ASGR2: variants seen among roughly 807,000 people sequenced by gnomAD.
ASGR2 encodes the protein asialoglycoprotein receptor 2, also known as C-type lectin domain family 4 member H2.
ASGR2 carries 34 observed loss-of-function variants against 32.3 expected under a neutral mutation model. The ratio of observed to expected loss-of-function variants is 1.05; its 90% CI spans 0.80 to 1.40. ASGR2 has a LOEUF of 1.40. Among genes scored for constraint, ASGR2 ranks in the 40% most tolerant of loss-of-function variants. The probability of loss-of-function intolerance (pLI) is 0.00; values close to 1 mark genes in which losing one functional copy is unlikely to be tolerated. For missense variants in ASGR2, 385 were observed against 386.4 expected (o/e 1.00, Z 0.03); for synonymous variants, 143 against 150.0 (o/e 0.95, Z 0.34).
intron 7 of ASGR2, among the ~76,000 whole-genome samples, chr17:7,105,813 G>A (rs2151711760): frequency 6.9e-6 from 1 of 145,726 alleles, no homozygotes; most frequent in East Asian, 2.0e-4. Context: ...TTTTGAGTCA[G>A]AGTCTCGCAC....
rs200704590 is a variant in ASGR2 at position 7,114,164 on chromosome 17, G to A, written c.77C>T (p.Pro26Leu). 25 of 1,614,200 alleles carry A rather than the reference G, an allele frequency of 1.5e-5. No homozygotes were observed. In the Admixed American group the frequency reaches 4.2e-4, roughly 27 times the overall value. The part of the protein sequence containing the change: ...NDHPFHQGEG[P>L]GTRRLNPRRG... ...CCTGGGATTCAGCCTGCGAGTGCCT[G>A]GCCCCTCACCTTGATGGAAAGGATG... Residue 26 changes from proline to leucine, a missense_variant, in exon 2 of 9, where the codon CCA (proline) becomes CTA (leucine). Transcript: ENST00000691900. This position sits in a 1 kb window ranked among gnomAD's most constrained non-coding sequence, Gnocchi z 4.5.
chr17:7,114,453 C>T lies in ASGR2; in HGVS notation c.-70-143G>A, dbSNP rs1915217733. On this transcript the variant is annotated intron_variant, in intron 1 of 8. Coordinates refer to ENST00000691900, the MANE Select transcript of ASGR2 (RefSeq NM_001201352.2). The surrounding 1 kb of genome is among the most constrained non-coding windows in gnomAD (Gnocchi z 4.5). ...TTTGAAATCCCGCTGGGTCCTTTCC[C>T]TTCTCAGGAGACCGCTTGGGCCTTG... The T allele has an allele frequency of 5.7e-6, 8 of 1,398,562 alleles. No homozygotes were observed. The highest frequency in any genetic ancestry group is 6.5e-6 in the Non-Finnish European group (7 of 1,077,712). 86.6% of individuals were successfully genotyped at this position (1,398,562 alleles called of 1,614,324 possible).
Position 7,108,533 on chromosome 17 carries a change from C to T in ASGR2, c.266G>A (p.Arg89Gln), listed in dbSNP as rs376719628. Residue 89 changes from arginine to glutamine, a missense_variant, in exon 4 of 9, where the codon CGG becomes CAG. Coordinates refer to ENST00000691900, the MANE Select transcript of ASGR2 (RefSeq NM_001201352.2). This position sits in a 1 kb window ranked among gnomAD's most constrained non-coding sequence, Gnocchi z 4.9. The stretch of plus-strand genomic sequence containing the variant: ...GTTGCTGAAAGCTTCCTTCAGGCTC[C>T]GCAGCTCGGCTTGCAGCTGTGCACC... The part of the protein sequence containing the change: ...SQSAQLQAEL[R>Q]SLKEAFSNFS... The T allele has an allele frequency of 1.1e-5, 17 of 1,608,938 alleles. No homozygotes were observed. Among genetic ancestry groups the T allele is most frequent in the African/African-American group, 6.7e-5 (5 of 75,002 alleles).
intron 8 of ASGR2, 37 bp from the exon 9 acceptor site, chr17:7,101,777 T>C: frequency 6.2e-7 from 1 of 1,602,404 alleles, no homozygotes; most frequent in Non-Finnish European, 8.5e-7. Context: ...TCTGCCACGG[T>C]GGTGAGAAAG....
intron 2 of ASGR2, among the ~76,000 whole-genome samples, 192 bp from the exon 3 acceptor site, chr17:7,109,080 A>T (rs1048300083): frequency 4.0e-5 from 6 of 151,646 alleles, no homozygotes; most frequent in African/African-American, 1.5e-4. Flanking sequence ...CACCCATATT[A>T]CCATGTATAA....
Position 7,114,503 on chromosome 17 carries a change from C to A in ASGR2, c.-71+112G>T, listed in dbSNP as rs1055716731. On this transcript the variant is annotated intron_variant, in intron 1 of 8. Coordinates refer to ENST00000691900, the MANE Select transcript of ASGR2 (RefSeq NM_001201352.2). The surrounding 1 kb of genome is among the most constrained non-coding windows in gnomAD (Gnocchi z 4.5). ...GACCTGGCCAGGAGACCCCTCCCCACGCTCATGGACCCGACCACCCACAGC... is the reference window on the plus strand; with the variant it reads ...GACCTGGCCAGGAGACCCCTCCCCAAGCTCATGGACCCGACCACCCACAGC... 2 of 1,294,980 alleles carry A rather than the reference C, an allele frequency of 1.5e-6. No individual in the cohort carries two copies. Among genetic ancestry groups the A allele is most frequent in the Non-Finnish European group, 2.0e-6 (2 of 1,015,186 alleles). 80.2% of individuals were successfully genotyped at this position (1,294,980 alleles called of 1,614,324 possible).
At position 7,102,129 on chromosome 17, in the gene ASGR2, C is replaced by T. The variant is rs1195149179; in HGVS notation, c.716G>A (p.Trp239Ter). The T allele has an allele frequency of 1.2e-6, 2 of 1,614,166 alleles. No homozygotes were observed. The highest frequency in any genetic ancestry group is 1.7e-6 in the Non-Finnish European group (2 of 1,180,026). Residue 239 changes from tryptophan to a stop codon, truncating the protein, a stop_gained, in exon 8 of 9, where the codon TGG (tryptophan) becomes TAG (stop). Coordinates refer to ENST00000691900, the MANE Select transcript of ASGR2 (RefSeq NM_001201352.2). LOFTEE classifies it low-confidence loss of function (END_TRUNC). ...ATAGTCTGTGCCATCCACCCATTTCCAAGAGCCATCACTGTCCGTGAGACC... is the reference window on the plus strand; with the variant it reads ...ATAGTCTGTGCCATCCACCCATTTCTAAGAGCCATCACTGTCCGTGAGACC... ...WIGLTDSDGS[W>*]KWVDGTDYRH... is the part of the protein sequence containing the mutation.
rs199540644 is a variant in ASGR2 at position 7,114,082 on chromosome 17, G to C, written c.124+35C>G. 1.2e-4 allele frequency: 189 copies of C among 1,613,156 alleles called. 1 individual carries two copies. The highest frequency in any genetic ancestry group is 9.6e-4 in the East Asian group (43 of 44,876). ...GACAGAGCAATCATGAGCTGAGACA[G>C]AGGGGGAGCAAAGCCGCAGAAACTG... On this transcript the variant is annotated intron_variant, in intron 2 of 8. Coordinates refer to ENST00000691900, the MANE Select transcript of ASGR2 (RefSeq NM_001201352.2). This position sits in a 1 kb window ranked among gnomAD's most constrained non-coding sequence, Gnocchi z 4.5.
At chr17:7,111,527 G>A (rs996371986) in intron 2 of ASGR2, among the ~76,000 whole-genome samples, 3 of 151,920 alleles carry the variant, frequency 2.0e-5, no homozygotes, top group Admixed American at 6.6e-5. Context: ...GTGGTGGCAG[G>A]CGCCTGTAGT....
intron 7 of ASGR2, among the ~76,000 whole-genome samples, chr17:7,103,480 A>G (rs1455567991): frequency 1.3e-5 from 2 of 152,172 alleles, no homozygotes; most frequent in Admixed American, 6.5e-5. Flanking sequence ...GCAGACTACA[A>G]ATTAGCAGTA....
chr17:7,107,483 C>A lies in ASGR2; in HGVS notation c.410-166G>T. The A allele has an allele frequency of 1.4e-6, 1 of 705,672 alleles. No individual in the cohort carries two copies. Among genetic ancestry groups the A allele is most frequent in the Non-Finnish European group, 2.4e-6 (1 of 414,098 alleles). The allele number at this position is 705,672 out of a possible 1,614,324, so 43.7% of individuals were successfully genotyped here. ...CACAGACATGTACACCACACATAGA[C>A]CACACCACACACAGATCCATCACAC... On this transcript the variant is annotated intron_variant, in intron 5 of 8. Transcript: ENST00000691900. The surrounding 1 kb of genome is among the most constrained non-coding windows in gnomAD (Gnocchi z 5.0).
At position 7,113,338 on chromosome 17, in the gene ASGR2, TCAC is replaced by T. The variant is rs1212976708; in HGVS notation, c.124+776_124+778del. ...CACATACACACACTAACACACACAC[TCAC>T]GCAACACACTCACACACACAACATA... On this transcript the variant is annotated intron_variant, in intron 2 of 8. Coordinates refer to ENST00000691900, the MANE Select transcript of ASGR2 (RefSeq NM_001201352.2). The surrounding 1 kb of genome is among the most constrained non-coding windows in gnomAD (Gnocchi z 5.1). 5.3e-4 allele frequency among the ~76,000 whole-genome samples: 53 copies of T among 100,474 alleles called. No homozygotes were observed. Among genetic ancestry groups the T allele is most frequent in the Non-Finnish European group, 1.1e-3 (45 of 39,858 alleles). The allele number at this position is 100,474 out of a possible 152,430, so 65.9% of individuals were successfully genotyped here.
chr17:7,106,466 T>C (rs1489933435), intron 7 of ASGR2, among the ~76,000 whole-genome samples: 1 of 152,200 alleles, frequency 6.6e-6, no homozygotes, highest in Admixed American at 6.5e-5. Flanking sequence ...TGATGAAATG[T>C]TGGCAAGTTC....
At chr17:7,111,476 G>A (rs1914623540) in intron 2 of ASGR2, among the ~76,000 whole-genome samples, 1 of 152,062 alleles carries the variant, frequency 6.6e-6, no homozygotes, top group African/African-American at 2.4e-5. Flanking sequence ...CTAACATGGT[G>A]AAACCCCATC....
Position 7,107,408 on chromosome 17 carries a change from G to T in ASGR2, c.410-91C>A. ...GGCTGGGGAAGCATATACACCCACA[G>T]ACACGTACACCATGCATAGACCACA... On this transcript the variant is annotated intron_variant, in intron 5 of 8. Transcript: ENST00000691900. The surrounding 1 kb of genome is among the most constrained non-coding windows in gnomAD (Gnocchi z 5.0). The T allele has an allele frequency of 7.5e-7, 1 of 1,333,254 alleles. No individual in the cohort carries two copies. The highest frequency in any genetic ancestry group is 1.2e-5 in the South Asian group (1 of 81,084). The allele number at this position is 1,333,254 out of a possible 1,614,324, so 82.6% of individuals were successfully genotyped here. A position where few individuals can be genotyped will look rare whatever the true frequency, so the allele number is the denominator to read the frequency against.
intron 7 of ASGR2, among the ~76,000 whole-genome samples, chr17:7,104,954 C>T (rs942496909): frequency 4.1e-5 from 6 of 147,394 alleles, no homozygotes; most frequent in Non-Finnish European, 7.4e-5. Flanking sequence ...CCAGCCTGGG[C>T]GACAGAGCAA....
At chr17:7,111,902 G>T (rs1370490674) in intron 2 of ASGR2, among the ~76,000 whole-genome samples, 2 of 147,016 alleles carry the variant, frequency 1.4e-5, no homozygotes, top group Non-Finnish European at 3.0e-5. Flanking sequence ...AATTAGCCAG[G>T]TGTGGTGCCA....
intron 2 of ASGR2, among the ~76,000 whole-genome samples, chr17:7,112,554 C>T (rs575809275): frequency 1.3e-5 from 2 of 152,268 alleles, no homozygotes; most frequent in Admixed American, 6.5e-5. Flanking sequence ...CACTATGTAC[C>T]GGGTGCCGTG....
intron 2 of ASGR2, among the ~76,000 whole-genome samples, chr17:7,110,806 T>C (rs1433399528): frequency 6.6e-6 from 1 of 152,084 alleles, no homozygotes; most frequent in Non-Finnish European, 1.5e-5. Flanking sequence ...CTTTCAAGAC[T>C]CTGGACATCA....
Sources: gnomAD v4.1 joint callset for allele counts (sites outside exome capture counted in the v4.1 genomes callset) on GRCh38, gnomAD v4.1.1 for gene constraint, Gnocchi (gnomAD v3.1) non-coding constraint, MANE v1.5 for transcripts, NCBI Gene and HGNC (gene_info 2026-07-23, HGNC 2026-07-21) for gene names.